Variants in KIF24 observed in about 807,000 individuals in gnomAD.
KIF24 encodes the protein kinesin-like protein KIF24.
Under a neutral mutation model 118.9 loss-of-function variants are expected in KIF24, and 81 were observed. The ratio of observed to expected loss-of-function variants is 0.68; its 90% CI spans 0.57 to 0.82. The LOEUF is 0.82. Among genes scored for constraint, KIF24 ranks in the 40% least tolerant of loss-of-function variants. The pLI, the probability that KIF24 is intolerant of heterozygous loss-of-function variation, is 0.00. For missense variants in KIF24, 1,560 were observed against 1,661.6 expected, an observed-to-expected ratio of 0.94 and a Z score of 1.06; for synonymous variants, 599 against 610.0, an observed-to-expected ratio of 0.98 and a Z score of 0.27.
chr9:34,321,270 G>T (rs1342423644), intron 1 of KIF24, among the ~76,000 whole-genome samples: 2 of 151,818 alleles, frequency 1.3e-5, no homozygotes, highest in Non-Finnish European at 2.9e-5. Context: ...AAGTGTTTGC[G>T]CAGTAGTAAC....
chr9:34,278,385 G>A (rs1038619542), intron 6 of KIF24, among the ~76,000 whole-genome samples: 1 of 151,958 alleles, frequency 6.6e-6, no homozygotes, highest in Non-Finnish European at 1.5e-5. Flanking sequence ...ACTCCAGCCT[G>A]GACAAGACAG....
chr9:34,293,254 C>T (rs10814093), intron 4 of KIF24, among the ~76,000 whole-genome samples: 72,058 of 150,540 alleles, frequency 0.48, 20,061 homozygotes, highest in South Asian at 0.64. Flanking sequence ...CTGAGGCAGG[C>T]GGATCACTTG....
At position 34,305,652 on chromosome 9, in the gene KIF24, G is replaced by T. The variant is rs547206246; in HGVS notation, c.813+600C>A. ...AGATCCTCCCTCTGTTGCCCAGGCT[G>T]GAGTGCAGTGGTGCAATCATAGCTC... is the stretch of plus-strand genomic sequence containing the variant. On this transcript the variant is annotated intron_variant, in intron 3 of 12. Transcript: ENST00000402558. 9.8e-5 allele frequency among the ~76,000 whole-genome samples: 15 copies of T among 152,314 alleles called. No individual in the cohort carries two copies. In the East Asian group the frequency reaches 2.1e-3, roughly 22 times the overall value.
rs1279657939 is a variant in KIF24, at chr9:34,318,299, A to G, written c.-25-6928T>C. The G allele has an allele frequency of 1.8e-6, 1 of 561,370 alleles. No homozygotes were observed. The highest frequency in any genetic ancestry group is 3.2e-6 in the Non-Finnish European group (1 of 316,150). 34.8% of individuals were successfully genotyped at this position (561,370 alleles called of 1,614,324 possible). A position where few individuals can be genotyped will look rare whatever the true frequency, so the allele number is the denominator to read the frequency against. On this transcript the variant is annotated intron_variant, in intron 1 of 12. Transcript: ENST00000402558. This position sits in a 1 kb window ranked among gnomAD's most constrained non-coding sequence, Gnocchi z 4.9. ...AAGAGTAGAATCGTGTCGCGGCTCGAGAGCGAGACTCCCGTCTTGGAGCCA... is the reference window on the plus strand; with the variant it reads ...AAGAGTAGAATCGTGTCGCGGCTCGGGAGCGAGACTCCCGTCTTGGAGCCA...
At chr9:34,262,697 T>A (rs377155585) in intron 9 of KIF24, among the ~76,000 whole-genome samples, 2 of 62,082 alleles carry the variant, frequency 3.2e-5, no homozygotes, top group African/African-American at 1.4e-4. Context: ...TATATATATA[T>A]ATATATATAT....
chr9:34,275,304 G>T (rs919322656), intron 6 of KIF24, among the ~76,000 whole-genome samples: 2 of 152,114 alleles, frequency 1.3e-5, no homozygotes, highest in Non-Finnish European at 1.5e-5. Flanking sequence ...TGAGGCATGA[G>T]AATTGCTTGA....
Position 34,256,248 on chromosome 9 carries a change from T to C in KIF24, c.3359A>G (p.Asp1120Gly). The C allele has an allele frequency of 6.2e-7, 1 of 1,605,376 alleles. No individual in the cohort carries two copies. Among genetic ancestry groups the C allele is most frequent in the Non-Finnish European group, 8.5e-7 (1 of 1,175,370 alleles). The change falls in exon 11 of 13, where the codon GAT becomes GGT. Residue 1120 changes from aspartate (D) to glycine (G), a missense_variant. Transcript: ENST00000402558. ...TGGAAGATCACCACCAGGCTTATTATCAGGGGGAGATGAGGACAGCCACAG... is the reference window on the plus strand; with the variant it reads ...TGGAAGATCACCACCAGGCTTATTACCAGGGGGAGATGAGGACAGCCACAG... ...RHLWLSSSPP[D>G]NKPGGDLPAL...
At chr9:34,309,279 C>T (rs1229244378) in intron 2 of KIF24, among the ~76,000 whole-genome samples, 3 of 152,082 alleles carry the variant, frequency 2.0e-5, no homozygotes, top group Non-Finnish European at 2.9e-5. Flanking sequence ...TGGTGGCTCA[C>T]GCCTGTAATC....
At chr9:34,322,603 C>T (rs1837558926) in intron 1 of KIF24, among the ~76,000 whole-genome samples, 1 of 152,142 alleles carries the variant, frequency 6.6e-6, no homozygotes, top group Non-Finnish European at 1.5e-5. Context: ...CCTATAATCA[C>T]AGCACTTGGG....
At chr9:34,298,875 G>A (rs1284016628) in intron 3 of KIF24, among the ~76,000 whole-genome samples, 1 of 152,076 alleles carries the variant, frequency 6.6e-6, no homozygotes, top group Non-Finnish European at 1.5e-5. Context: ...GGGAGCTGGG[G>A]AGAGAAAGGG....
At chr9:34,326,339 G>A (rs1359394642) in intron 1 of KIF24, among the ~76,000 whole-genome samples, 4 of 152,108 alleles carry the variant, frequency 2.6e-5, no homozygotes, top group Non-Finnish European at 5.9e-5. Context: ...GCAACAGGGC[G>A]ACAGAGTAAG....
intron 6 of KIF24, among the ~76,000 whole-genome samples, chr9:34,278,332 C>T (rs1419005938): frequency 6.6e-6 from 1 of 152,062 alleles, no homozygotes; most frequent in Non-Finnish European, 1.5e-5. Context: ...ATCCCTTGAA[C>T]CTGGGAGGCA....
chr9:34,287,673 G>A (rs1341567875), intron 5 of KIF24, among the ~76,000 whole-genome samples: 1 of 152,258 alleles, frequency 6.6e-6, no homozygotes, highest in South Asian at 2.1e-4. Context: ...GAGGGAAACA[G>A]CCTCACCAAT....
chr9:34,256,869 C>A lies in KIF24; in HGVS notation c.2738G>T (p.Ser913Ile), dbSNP rs372505876. 3 of 1,613,888 alleles carry A rather than the reference C, an allele frequency of 1.9e-6. No individual in the cohort carries two copies. Among genetic ancestry groups the A allele is most frequent in the Non-Finnish European group, 2.5e-6 (3 of 1,179,906 alleles). The change falls in exon 11 of 13, where the codon AGT becomes ATT. Residue 913 changes from serine (S) to isoleucine (I), a missense_variant. Coordinates refer to ENST00000402558, the MANE Select transcript of KIF24 (RefSeq NM_194313.4). ...TCTGCTCCAGTCCACGGGCCCCTTA[C>A]TTGGGCTGCAGCTGTGATCGAGTGC... ...RAALDHSCSP[S>I]KGPVDWSREN...
In KIF24 at chr9:34,256,950, T is replaced by C. The variant is rs1265031539; in HGVS notation, c.2657A>G (p.Lys886Arg). 1 of 1,613,882 alleles carries C rather than the reference T, an allele frequency of 6.2e-7. No individual in the cohort carries two copies. The highest frequency in any genetic ancestry group is 1.3e-5 in the African/African-American group (1 of 74,928). Residue 886 changes from lysine (K) to arginine (R), a missense_variant, in exon 11 of 13, where the codon AAA (lysine) becomes AGA (arginine). Physicochemically the swap from Lys to Arg is conservative, Grantham distance 26. Around this residue, in one of 3 missense-constraint regions of KIF24, gnomAD observed 591 missense variants for 655.6 expected, o/e 0.90. Coordinates refer to ENST00000402558, the MANE Select transcript of KIF24 (RefSeq NM_194313.4). ...GTCCACCCAGCTTTTAGTTAGATCT[T>C]TCTTGTCACCTGTCCTGGGGCTAGA... is the stretch of plus-strand genomic sequence containing the variant. The part of the protein sequence containing the change: ...LFSSPRTGDK[K>R]DLTKSWVDSR...
intron 4 of KIF24, among the ~76,000 whole-genome samples, chr9:34,291,578 T>C (rs187676423): frequency 2.3e-4 from 35 of 152,256 alleles, no homozygotes; most frequent in African/African-American, 7.9e-4. Context: ...CCTTTATGAG[T>C]GTGAAGAACT....
At chr9:34,272,471 G>C (rs1490219950) in intron 6 of KIF24, among the ~76,000 whole-genome samples, 1 of 152,202 alleles carries the variant, frequency 6.6e-6, no homozygotes, top group Non-Finnish European at 1.5e-5. Flanking sequence ...TGGGAGTAAA[G>C]ACTAACAGGA....
At position 34,253,524 on chromosome 9, in the gene KIF24, G is replaced by A. The variant is rs756179599; in HGVS notation, c.*856C>T. 6.6e-6 allele frequency: 1 copy of A among 152,324 alleles called. No individual in the cohort carries two copies. Among genetic ancestry groups the A allele is most frequent in the Non-Finnish European group, 1.5e-5 (1 of 68,134 alleles). The allele number at this position is 152,324 out of a possible 1,614,324, so 9.4% of individuals were successfully genotyped here. A position where few individuals can be genotyped will look rare whatever the true frequency, so the allele number is the denominator to read the frequency against. ...CCTGAGAGGCAGGGTGGCTGGGCAG[G>A]GTGAACTGGATGAAGGCCAGGCTAG... On this transcript the variant is annotated 3_prime_UTR_variant, in exon 13 of 13. Transcript: ENST00000402558.
chr9:34,290,306 A>G lies in KIF24; in HGVS notation c.995T>C (p.Leu332Ser). 1 of 1,613,884 alleles carries G rather than the reference A, an allele frequency of 6.2e-7. No individual in the cohort carries two copies. ...TMIGTHENPGLYALAAKDIFR... is the reference protein window; with the variant it reads ...TMIGTHENPGSYALAAKDIFR... ...GATATCTTTGGCAGCTAGAGCATACAATCCTGGGTTCTCATGAGTTCCTAT... is the reference window on the plus strand; with the variant it reads ...GATATCTTTGGCAGCTAGAGCATACGATCCTGGGTTCTCATGAGTTCCTAT... Residue 332 changes from leucine (L) to serine (S), a missense_variant, in exon 5 of 13, where the codon TTG becomes TCG. By Grantham distance (145) the Leu-to-Ser change is moderately radical (BLOSUM62 -2). Transcript: ENST00000402558.
Sources: gnomAD v4.1 joint callset for allele counts (sites outside exome capture counted in the v4.1 genomes callset) on GRCh38, gnomAD v4.1.1 for gene constraint, gnomAD v4.1.1 regional missense constraint, Gnocchi (gnomAD v3.1) non-coding constraint, MANE v1.5 for transcripts, NCBI Gene and HGNC (gene_info 2026-07-23, HGNC 2026-07-21) for gene names.